SLC23A1: variants seen among roughly 807,000 people sequenced by gnomAD.
SLC23A1 encodes the protein Na(+)/L-ascorbic acid transporter 1.
Under a neutral mutation model 62.5 loss-of-function variants are expected in SLC23A1, and 31 were observed. The ratio of observed to expected loss-of-function variants is 0.50; its 90% confidence interval spans 0.37 to 0.67. SLC23A1 has a LOEUF of 0.67. Among genes scored for constraint, SLC23A1 ranks in the 30% least tolerant of loss-of-function variants. The pLI is 0.00. For missense variants in SLC23A1, 640 were observed against 782.7 expected (o/e 0.82, Z 2.18); for synonymous variants, 271 against 313.2 (o/e 0.87, Z 1.42).
In SLC23A1 at chr5:139,379,259, C is replaced by CGTA; in HGVS notation, c.1018_1020dup (p.Tyr340dup). The CGTA allele has an allele frequency of 6.2e-7, 1 of 1,614,152 alleles. No homozygotes were observed. The highest frequency in any genetic ancestry group is 8.5e-7 in the Non-Finnish European group (1 of 1,180,008). On this transcript the variant is annotated inframe_insertion, in exon 9 of 15. Coordinates refer to ENST00000348729, the MANE Select transcript of SLC23A1 (RefSeq NM_005847.5). The surrounding 1 kb of genome is among the most constrained non-coding windows in gnomAD (Gnocchi z 4.7). ...GGTGCACCAGCCAGGCGGGCACAGG[C>CGTA]GTAGTAATCTCCGATGGACTCAATG...
At chr5:139,382,729 TC>T (rs1274403146) in intron 1 of SLC23A1, 124 bp from the exon 2 acceptor site, 2 of 645,410 alleles carry the variant, frequency 3.1e-6, no homozygotes, top group Non-Finnish European at 5.5e-6. Flanking sequence ...GTTCCCGCCC[TC>T]CCCAACAGTC....
rs201037110 is a variant in SLC23A1 at position 139,380,161 on chromosome 5, G to T, written c.647+47C>A. ...GAAGAAGGACCAAGGACATGAAGAG[G>T]GTAGGGTGCTGGGGCTGGGCAGGGA... On this transcript the variant is annotated intron_variant, in intron 6 of 14. Transcript: ENST00000348729. 5.8e-6 allele frequency: 9 copies of T among 1,558,618 alleles called. No homozygotes were observed. In the Admixed American group the frequency reaches 1.2e-4, roughly 20 times the overall value.
intron 13 of SLC23A1, among the ~76,000 whole-genome samples, chr5:139,374,872 C>T (rs558250210): frequency 2.0e-5 from 3 of 152,308 alleles, no homozygotes; most frequent in African/African-American, 7.2e-5. Flanking sequence ...TTGAGGCTGC[C>T]ACTTGACTGT....
At chr5:139,367,726 T>A (rs1237907849) in intron 14 of SLC23A1, 95 bp from the exon 15 acceptor site, 1 of 152,238 alleles carries the variant, frequency 6.6e-6, no homozygotes, top group Non-Finnish European at 1.5e-5. Context: ...GTTACTTTAA[T>A]CATAATTTCA....
rs1561980920 is a variant in SLC23A1 at position 139,380,901 on chromosome 5, C to T, written c.309-15G>A. 6.3e-6 allele frequency: 2 copies of T among 319,198 alleles called. No individual in the cohort carries two copies. Among genetic ancestry groups the T allele is most frequent in the Admixed American group, 1.1e-4 (1 of 8,874 alleles). The allele number at this position is 319,198 out of a possible 1,614,324, so 19.8% of individuals were successfully genotyped here. ...ACAGCGGCAGCCTGGAGGAGAGGCA[C>T]AAAGCAACAGGGGTGGGGAGGGGCG... On this transcript the variant is annotated splice_polypyrimidine_tract_variant and intron_variant, in intron 3 of 14. Transcript: ENST00000348729.
chr5:139,374,459 C>A lies in SLC23A1; in HGVS notation c.1550-2206G>T, dbSNP rs972096332. ...CTCAAAAACAAAACAAACAAACAAA[C>A]AAAAAAAACAAATGCAAAATGGCCC... On this transcript the variant is annotated intron_variant, in intron 13 of 14. Transcript: ENST00000348729. Among the ~76,000 whole-genome samples, 32 of 151,916 alleles carry A rather than the reference C, an allele frequency of 2.1e-4. No homozygotes were observed. The East Asian group carries it at 3.7e-3, about 17-fold the overall frequency.
chr5:139,382,470 G>A (rs768685861), intron 2 of SLC23A1, 22 bp downstream of exon 2: 23 of 1,393,120 alleles, frequency 1.7e-5, no homozygotes, highest in African/African-American at 2.8e-5. Context: ...GAGTGAGGGC[G>A]GGGAGGCCCT....
Position 139,379,738 on chromosome 5 carries a change from G to C in SLC23A1, c.865C>G (p.Arg289Gly), listed in dbSNP as rs377613010. ...TDPKAYGFQARTDARGDIMAI... is the reference protein window; with the variant it reads ...TDPKAYGFQAGTDARGDIMAI... ...ATGATGTCACCACGGGCATCGGTTCGTGCCTGGAAGCCATAGGCTTTTGGG... is the reference window on the plus strand; with the variant it reads ...ATGATGTCACCACGGGCATCGGTTCCTGCCTGGAAGCCATAGGCTTTTGGG... The change falls in exon 8 of 15, where the codon CGA (arginine) becomes GGA (glycine). Residue 289 changes from arginine to glycine, a missense_variant. Coordinates refer to ENST00000348729, the MANE Select transcript of SLC23A1 (RefSeq NM_005847.5). This position sits in a 1 kb window ranked among gnomAD's most constrained non-coding sequence, Gnocchi z 4.7. The C allele has an allele frequency of 5.6e-6, 9 of 1,614,068 alleles. No individual in the cohort carries two copies. The highest frequency in any genetic ancestry group is 7.6e-6 in the Non-Finnish European group (9 of 1,180,006).
rs759963969 is a variant in SLC23A1 at position 139,379,303 on chromosome 5, C to T, written c.977G>A (p.Ser326Asn). The T allele has an allele frequency of 1.3e-5, 21 of 1,614,048 alleles. No homozygotes were observed. The highest frequency in any genetic ancestry group is 1.7e-5 in the Non-Finnish European group (20 of 1,180,000). ...CTCAATGATGCCTGCCAGAGTGGCG[C>T]TGAACATTCCCAGGACAGCAGCCGC... is the stretch of plus-strand genomic sequence containing the variant. Reference protein sequence around the residue: ...VTAAAVLGMFSATLAGIIESI... With the variant: ...VTAAAVLGMFNATLAGIIESI... Residue 326 changes from serine to asparagine, a missense_variant, in exon 9 of 15, where the codon AGC becomes AAC. Ser to Asn is a conservative substitution (Grantham distance 46). Coordinates refer to ENST00000348729, the MANE Select transcript of SLC23A1 (RefSeq NM_005847.5). This position sits in a 1 kb window ranked among gnomAD's most constrained non-coding sequence, Gnocchi z 4.7.
At chr5:139,382,709 T>C (rs903410299) in intron 1 of SLC23A1, 104 bp from the exon 2 acceptor site, 3 of 747,624 alleles carry the variant, frequency 4.0e-6, no homozygotes, top group Non-Finnish European at 7.0e-6. Flanking sequence ...TGTCAGCAAC[T>C]GAGAGCGGGG....
intron 13 of SLC23A1, among the ~76,000 whole-genome samples, chr5:139,373,731 C>G (rs1757802267): frequency 6.6e-6 from 1 of 151,970 alleles, no homozygotes; most frequent in South Asian, 2.1e-4. Flanking sequence ...CTGGAAGAGA[C>G]ACTGTTTGGG....
At chr5:139,370,163 GTGGT>G (rs930415750) in intron 14 of SLC23A1, among the ~76,000 whole-genome samples, 9 of 152,130 alleles carry the variant, frequency 5.9e-5, no homozygotes, top group Admixed American at 3.9e-4. Context: ...ACCCCAGTGT[GTGGT>G]TGGTTGGTTG....
Position 139,379,638 on chromosome 5 carries a change from T to C in SLC23A1, c.925+40A>G. The C allele has an allele frequency of 6.4e-7, 1 of 1,565,654 alleles. No individual in the cohort carries two copies. Among genetic ancestry groups the C allele is most frequent in the Admixed American group, 1.9e-5 (1 of 54,020 alleles). ...CACCAGGAGTCTGTCTCATAGGTGG[T>C]CTCAGTTGGGGGCAGAGGGGCCCAA... On this transcript the variant is annotated intron_variant, in intron 8 of 14. Transcript: ENST00000348729. This position sits in a 1 kb window ranked among gnomAD's most constrained non-coding sequence, Gnocchi z 4.7.
chr5:139,372,624 G>T (rs192889883), intron 13 of SLC23A1, among the ~76,000 whole-genome samples: 1 of 152,006 alleles, frequency 6.6e-6, no homozygotes, highest in African/African-American at 2.4e-5. Context: ...TCGCTCTGTT[G>T]CCCAGGCTGG....
chr5:139,372,047 G>A lies in SLC23A1; in HGVS notation c.1756C>T (p.Pro586Ser). 1 of 1,613,540 alleles carries A rather than the reference G, an allele frequency of 6.2e-7. No individual in the cohort carries two copies. Among genetic ancestry groups the A allele is most frequent in the South Asian group, 1.1e-5 (1 of 91,072 alleles). The change falls in exon 14 of 15, where the codon CCA (proline) becomes TCA (serine). Residue 586 changes from proline to serine, a missense_variant. By Grantham distance (74) the Pro-to-Ser change is moderately conservative. Coordinates refer to ENST00000348729, the MANE Select transcript of SLC23A1 (RefSeq NM_005847.5). ...KDQIAIPEDT[P>S]ENTETASVCT... is the part of the protein sequence containing the mutation. ...ACAGATGCAGTTTCTGTATTTTCTG[G>A]AGTGTCTTCTGGAATTGCAATCTGA...
At chr5:139,380,411 G>GT in intron 5 of SLC23A1, 22 bp from the exon 6 acceptor site, 1 of 1,613,000 alleles carries the variant, frequency 6.2e-7, no homozygotes, top group Non-Finnish European at 8.5e-7. Context: ...AACATCAGCC[G>GT]TAAGTCACCA....
Position 139,379,315 on chromosome 5 carries a change from A to T in SLC23A1, c.965T>A (p.Leu322Gln). The T allele has an allele frequency of 6.2e-7, 1 of 1,614,226 alleles. No individual in the cohort carries two copies. The highest frequency in any genetic ancestry group is 8.5e-7 in the Non-Finnish European group (1 of 1,180,024). The change falls in exon 9 of 15, where the codon CTG becomes CAG. Residue 322 changes from leucine (L) to glutamine (Q), a missense_variant. Coordinates refer to ENST00000348729, the MANE Select transcript of SLC23A1 (RefSeq NM_005847.5). The surrounding 1 kb of genome is among the most constrained non-coding windows in gnomAD (Gnocchi z 4.7). ...TGCCAGAGTGGCGCTGAACATTCCC[A>T]GGACAGCAGCCGCAGTCACCGTGGG... ...GLPTVTAAAV[L>Q]GMFSATLAGI...
chr5:139,376,897 G>A (rs1439049533), intron 13 of SLC23A1, among the ~76,000 whole-genome samples: 1 of 152,274 alleles, frequency 6.6e-6, no homozygotes, highest in Non-Finnish European at 1.5e-5. Flanking sequence ...TGAGGCGAGC[G>A]TATCACTTGA....
In SLC23A1 at chr5:139,381,883, G is replaced by A; in HGVS notation, c.308+9C>T. On this transcript the variant is annotated intron_variant, in intron 3 of 14. Transcript: ENST00000348729. ...GGCGGGGGACGGGTTGGGGGGCTGG[G>A]CGGCTCACCGGATGCCCACGGTGGT... The A allele has an allele frequency of 1.3e-6, 2 of 1,550,740 alleles. No homozygotes were observed. Among genetic ancestry groups the A allele is most frequent in the East Asian group, 2.4e-5 (1 of 41,150 alleles).
Sources: gnomAD v4.1 joint callset for allele counts (sites outside exome capture counted in the v4.1 genomes callset) on GRCh38, gnomAD v4.1.1 for gene constraint, Gnocchi (gnomAD v3.1) non-coding constraint, MANE v1.5 for transcripts, NCBI Gene and HGNC (gene_info 2026-07-23, HGNC 2026-07-21) for gene names.